Variants in RAPGEF5 observed in about 807,000 individuals in gnomAD.
RAPGEF5 encodes the protein M-Ras-regulated GEF.
Under a neutral mutation model 125.2 loss-of-function variants are expected in RAPGEF5, and 65 were observed. The ratio of observed to expected loss-of-function variants is 0.52; its 90% CI spans 0.43 to 0.64. RAPGEF5 has a LOEUF of 0.64. RAPGEF5 is among the 30% of genes least tolerant of loss of function. The pLI, the probability that RAPGEF5 is intolerant of heterozygous loss-of-function variation, is 0.00. For synonymous variants in RAPGEF5, 391 were observed against 385.9 expected, an observed-to-expected ratio of 1.01 and a Z score of -0.16; for missense variants, 958 against 1,048.1, an observed-to-expected ratio of 0.91 and a Z score of 1.19.
intron 9 of RAPGEF5, among the ~76,000 whole-genome samples, chr7:22,205,263 G>A (rs933827941): frequency 7.2e-5 from 11 of 152,144 alleles, no homozygotes; most frequent in Non-Finnish European, 1.0e-4. Context: ...AGTGACTACC[G>A]GTGATGAACC....
chr7:22,191,418 G>T (rs910150854), intron 11 of RAPGEF5: 5 of 362,338 alleles, frequency 1.4e-5, no homozygotes, highest in Non-Finnish European at 2.3e-5. Context: ...GGTGAAAGTT[G>T]TTACCATTTT....
At chr7:22,296,578 G>C (rs753386590) in intron 5 of RAPGEF5, among the ~76,000 whole-genome samples, 1 of 145,828 alleles carries the variant, frequency 6.9e-6, no homozygotes, top group Non-Finnish European at 1.5e-5. Flanking sequence ...AGCCCAGAAG[G>C]TGAAAGCCCA....
chr7:22,130,986 G>C, intron 24 of RAPGEF5, 51 bp downstream of exon 24: 2 of 1,527,802 alleles, frequency 1.3e-6, no homozygotes, highest in Non-Finnish European at 1.8e-6. Context: ...GGAAAGAAAG[G>C]CATACATTTC....
At chr7:22,192,976 G>A in intron 11 of RAPGEF5, 1 of 231,538 alleles carries the variant, frequency 4.3e-6, no homozygotes, top group Non-Finnish European at 8.5e-6. Flanking sequence ...GGAGGCTGCT[G>A]CCCCCAGCTC....
chr7:22,192,966 G>C, intron 11 of RAPGEF5: 1 of 216,088 alleles, frequency 4.6e-6, no homozygotes, highest in Non-Finnish European at 9.2e-6. Context: ...ATTTCAGCAC[G>C]GAGGCTGCTG....
chr7:22,233,644 C>T (rs372519154), intron 7 of RAPGEF5, among the ~76,000 whole-genome samples: 62 of 152,234 alleles, frequency 4.1e-4, no homozygotes, highest in African/African-American at 1.4e-3. Context: ...GCAATCCTCC[C>T]GTCTCGGCCT....
intron 7 of RAPGEF5, among the ~76,000 whole-genome samples, chr7:22,247,980 G>T (rs146868947): frequency 1.3e-5 from 2 of 152,114 alleles, no homozygotes; most frequent in Non-Finnish European, 2.9e-5. Context: ...CTGGATGAGG[G>T]AAAGAGGGAG....
At chr7:22,173,638 G>A (rs891566935) in intron 11 of RAPGEF5, among the ~76,000 whole-genome samples, 4 of 152,064 alleles carry the variant, frequency 2.6e-5, no homozygotes, top group Admixed American at 2.0e-4. Flanking sequence ...CTGTCATTCC[G>A]TCTTCAAGAA....
rs529874471 is a variant in RAPGEF5 at position 22,354,292 on chromosome 7, G to A, written c.231+2538C>T. Among the ~76,000 whole-genome samples the A allele has an allele frequency of 3.9e-5, 6 of 152,312 alleles. No homozygotes were observed. The East Asian group carries it at 9.6e-4, about 24-fold the overall frequency. ...ACTAACTCATGTAATGCACAAAGCT[G>A]TGTCTTTACTAGTGGTAATGGATTT... On this transcript the variant is annotated intron_variant, in intron 1 of 25. Transcript: ENST00000665637.
chr7:22,197,454 T>C (rs922600124), intron 9 of RAPGEF5, among the ~76,000 whole-genome samples: 35 of 152,208 alleles, frequency 2.3e-4, no homozygotes, highest in African/African-American at 8.4e-4. Flanking sequence ...TAACTGAAGA[T>C]GTTAACTGAT....
At chr7:22,256,564 TC>T (rs1786766597) in intron 7 of RAPGEF5, among the ~76,000 whole-genome samples, 1 of 152,136 alleles carries the variant, frequency 6.6e-6, no homozygotes, top group South Asian at 2.1e-4. Flanking sequence ...AACTTTAAAA[TC>T]CCAGATACTT....
At chr7:22,341,077 G>GT (rs112104942) in intron 1 of RAPGEF5, among the ~76,000 whole-genome samples, 3,605 of 152,242 alleles carry the variant, frequency 0.024, 138 homozygotes, top group African/African-American at 0.082. Flanking sequence ...GTATTACTCT[G>GT]TTTTCACACT....
intron 3 of RAPGEF5, among the ~76,000 whole-genome samples, chr7:22,314,984 T>C (rs1783557991): frequency 6.6e-6 from 1 of 152,154 alleles, no homozygotes; most frequent in Admixed American, 6.5e-5. Context: ...AGTTAGAGCA[T>C]GTCTCTGCCC....
intron 18 of RAPGEF5, among the ~76,000 whole-genome samples, chr7:22,148,875 C>T (rs76397629): frequency 0.024 from 3,595 of 152,210 alleles, 51 homozygotes; most frequent in Middle Eastern, 0.065. Flanking sequence ...CATGTCAGAT[C>T]GTCCTCCTTC....
chr7:22,285,307 G>T (rs1782770978), intron 6 of RAPGEF5, among the ~76,000 whole-genome samples: 1 of 152,114 alleles, frequency 6.6e-6, no homozygotes, highest in Admixed American at 6.5e-5. Flanking sequence ...GACCATCATG[G>T]TCAGGACCAT....
chr7:22,207,520 A>G (rs1785423884), intron 9 of RAPGEF5, among the ~76,000 whole-genome samples: 1 of 152,142 alleles, frequency 6.6e-6, no homozygotes, highest in Admixed American at 6.5e-5. Context: ...CTTCCTTGTA[A>G]CTTTCTATTA....
intron 11 of RAPGEF5, among the ~76,000 whole-genome samples, chr7:22,185,048 G>A (rs1784787873): frequency 6.6e-6 from 1 of 152,192 alleles, no homozygotes. Context: ...ACGCTCTTAA[G>A]TGGGTACTGA....
At chr7:22,164,398 C>A (rs768994862) in intron 12 of RAPGEF5, among the ~76,000 whole-genome samples, 1 of 58,704 alleles carries the variant, frequency 1.7e-5, no homozygotes, top group South Asian at 9.3e-4. Context: ...AATATAATAC[C>A]TTCACTAATA....
chr7:22,305,937 C>G (rs755587264), intron 5 of RAPGEF5, among the ~76,000 whole-genome samples: 21 of 152,126 alleles, frequency 1.4e-4, no homozygotes, highest in Non-Finnish European at 2.8e-4. Context: ...ACCACGTTTT[C>G]TTTATCCATT....
Sources: gnomAD v4.1 joint callset for allele counts (sites outside exome capture counted in the v4.1 genomes callset) on GRCh38, gnomAD v4.1.1 for gene constraint, MANE v1.5 for transcripts, NCBI Gene and HGNC (gene_info 2026-07-23, HGNC 2026-07-21) for gene names.